Variants in CHD5 observed in about 807,000 individuals in gnomAD.
The protein encoded by CHD5 is ATP-dependent chromatin remodeler CHD5.
CHD5 carries 69 observed loss-of-function variants against 230.3 expected under a neutral mutation model. The ratio of observed to expected loss-of-function variants is 0.30; its 90% CI spans 0.25 to 0.37. CHD5 has a LOEUF of 0.37. Among genes scored for constraint, CHD5 ranks in the 10% least tolerant of loss-of-function variants. The pLI is 1.00. For missense variants in CHD5, 1,827 were observed against 2,622.8 expected (o/e 0.70, Z 6.63); for synonymous variants, 1,064 against 1,065.9 (o/e 1.00, Z 0.03).
At chr1:6,148,759 C>T (rs1390889545) in intron 9 of CHD5, 95 bp downstream of exon 9, 2 of 874,004 alleles carry the variant, frequency 2.3e-6, no homozygotes, top group Non-Finnish European at 1.5e-6. Flanking sequence ...CCGGCAGGGG[C>T]GGGGCCTTTT....
intron 30 of CHD5, 111 bp from the exon 31 acceptor site, chr1:6,124,218 T>C: frequency 9.2e-7 from 1 of 1,090,452 alleles, no homozygotes; most frequent in Non-Finnish European, 1.3e-6. Flanking sequence ...AGGCTTGGGG[T>C]AGCTGCTACC....
chr1:6,141,631 A>AAATG (rs1666829640), intron 15 of CHD5, among the ~76,000 whole-genome samples: 1 of 152,110 alleles, frequency 6.6e-6, no homozygotes. Context: ...ATAAATAAAT[A>AAATG]AAATAAGTAG....
rs1667267463 is a variant in CHD5, at chr1:6,167,062, T to C, written c.207+1088A>G. On this transcript the variant is annotated intron_variant, in intron 2 of 41. Coordinates refer to ENST00000262450, the MANE Select transcript of CHD5 (RefSeq NM_015557.3). This position sits in a 1 kb window ranked among gnomAD's most constrained non-coding sequence, Gnocchi z 4.5. ...CCCAGCGCTGCCAAGGGCACCCCCT[T>C]AGCATTAGCACCTCACCTCACCACC... Among the ~76,000 whole-genome samples the C allele has an allele frequency of 6.6e-6, 1 of 152,088 alleles. No individual in the cohort carries two copies. The highest frequency in any genetic ancestry group is 2.4e-5 in the African/African-American group (1 of 41,400).
intron 41 of CHD5, 139 bp downstream of exon 41, chr1:6,106,095 C>T: frequency 1.3e-6 from 1 of 764,628 alleles, no homozygotes; most frequent in South Asian, 1.8e-5. Context: ...AGGTGGGTGG[C>T]TCTCAAAGCC....
intron 38 of CHD5, among the ~76,000 whole-genome samples, chr1:6,107,770 GGGAT>G (rs1666215745): frequency 7.0e-6 from 1 of 143,610 alleles, no homozygotes. Flanking sequence ...GGATGATGGA[GGGAT>G]GGAGGGATGA....
chr1:6,178,136 G>A (rs1667453297), intron 1 of CHD5, among the ~76,000 whole-genome samples: 2 of 152,188 alleles, frequency 1.3e-5, no homozygotes, highest in Admixed American at 1.3e-4. Flanking sequence ...GCCAGAGCAG[G>A]GCGTCTCTTC....
chr1:6,156,887 A>T (rs544533720), intron 3 of CHD5, among the ~76,000 whole-genome samples: 2 of 152,286 alleles, frequency 1.3e-5, no homozygotes, highest in Admixed American at 6.5e-5. Context: ...TCAGAAAGGG[A>T]GGTGCCGGAT....
At chr1:6,119,864 A>ATT (rs57522479) in intron 33 of CHD5, among the ~76,000 whole-genome samples, 14,911 of 137,050 alleles carry the variant, frequency 0.11, 874 homozygotes, top group South Asian at 0.15. Flanking sequence ...ATATATATAT[A>ATT]TTTTTTTTTT....
intron 38 of CHD5, among the ~76,000 whole-genome samples, chr1:6,107,978 G>T (rs968611090): frequency 7.2e-6 from 1 of 138,914 alleles, no homozygotes; most frequent in Non-Finnish European, 1.6e-5. Flanking sequence ...AGGATGGAGG[G>T]ATGATGGAGA....
chr1:6,152,422 T>C lies in CHD5; in HGVS notation c.860A>G (p.Lys287Arg). 1 of 1,613,840 alleles carries C rather than the reference T, an allele frequency of 6.2e-7. No individual in the cohort carries two copies. The highest frequency in any genetic ancestry group is 8.5e-7 in the Non-Finnish European group (1 of 1,179,858). Residue 287 changes from lysine (K) to arginine (R), a missense_variant, in exon 6 of 42, where the codon AAA becomes AGA. Physicochemically the swap from Lys to Arg is conservative, Grantham distance 26. Transcript: ENST00000262450. Reference protein sequence around the residue: ...RFGGISNKRKKGSSSEEDERE... With the variant: ...RFGGISNKRKRGSSSEEDERE... ...CACGCACACACTCACCGAGGAGCCT[T>C]TCTTCCTCTTGTTGCTGATCCCCCC...
intron 11 of CHD5, among the ~76,000 whole-genome samples, chr1:6,144,882 G>A (rs1261581947): frequency 6.6e-6 from 1 of 152,254 alleles, no homozygotes; most frequent in Non-Finnish European, 1.5e-5. Context: ...CGTTACCACG[G>A]CAACCGATGT....
chr1:6,104,383 C>CG lies in CHD5; in HGVS notation c.*1090dup, dbSNP rs754984150. 6 of 152,366 alleles carry CG rather than the reference C, an allele frequency of 3.9e-5. No homozygotes were observed. Among genetic ancestry groups the CG allele is most frequent in the Non-Finnish European group, 5.9e-5 (4 of 68,202 alleles). 9.4% of individuals were successfully genotyped at this position (152,366 alleles called of 1,614,324 possible). On this transcript the variant is annotated 3_prime_UTR_variant, in exon 42 of 42. Transcript: ENST00000262450. ...AGTGCAGCCTCAGGCAAAAAGCCCC[C>CG]GGGAAGGCCTTTCCAGGGACAGGGG...
intron 33 of CHD5, among the ~76,000 whole-genome samples, chr1:6,114,120 G>C (rs1041370843): frequency 3.3e-5 from 5 of 152,152 alleles, no homozygotes; most frequent in African/African-American, 1.2e-4. Flanking sequence ...AGGTGTGGTG[G>C]CACGTGCCTG....
intron 1 of CHD5, among the ~76,000 whole-genome samples, chr1:6,170,876 G>T (rs1161894272): frequency 6.6e-6 from 1 of 152,196 alleles, no homozygotes; most frequent in Non-Finnish European, 1.5e-5. Flanking sequence ...GTCTGTGGTG[G>T]GGCAGCCGAT....
intron 2 of CHD5, among the ~76,000 whole-genome samples, chr1:6,165,353 C>T (rs1167623527): frequency 6.6e-6 from 1 of 152,144 alleles, no homozygotes; most frequent in Non-Finnish European, 1.5e-5. Context: ...CTCTGCTGCA[C>T]CCCACTGGGT....
intron 38 of CHD5, 63 bp from the exon 39 acceptor site, chr1:6,106,842 G>A (rs1358206128): frequency 4.3e-6 from 6 of 1,383,298 alleles, no homozygotes; most frequent in African/African-American, 1.5e-5. Context: ...ATGGAGGAGT[G>A]GAAGGATGGA....
chr1:6,162,067 T>C (rs563251794), intron 2 of CHD5, among the ~76,000 whole-genome samples: 2 of 152,088 alleles, frequency 1.3e-5, no homozygotes, highest in East Asian at 1.9e-4. Flanking sequence ...CCAGAAAGGA[T>C]AGAACCAGGG....
chr1:6,128,469 G>A lies in CHD5; in HGVS notation c.3730+30C>T. On this transcript the variant is annotated intron_variant, in intron 24 of 41. Coordinates refer to ENST00000262450, the MANE Select transcript of CHD5 (RefSeq NM_015557.3). This position sits in a 1 kb window ranked among gnomAD's most constrained non-coding sequence, Gnocchi z 7.8. ...AGGAGCAGCCACCTGGTCGGAGGAG[G>A]AGCTGAGGCTGGGCTGGGTTGGCCC... 1 of 1,541,168 alleles carries A rather than the reference G, an allele frequency of 6.5e-7. No individual in the cohort carries two copies. The highest frequency in any genetic ancestry group is 1.1e-5 in the South Asian group (1 of 89,116).
chr1:6,149,217 C>A (rs1292861405), intron 8 of CHD5, 29 bp downstream of exon 8: 8 of 1,545,620 alleles, frequency 5.2e-6, no homozygotes, highest in Non-Finnish European at 7.0e-6. Context: ...GTGGCCCCGC[C>A]CCCAGCCCGG....
Sources: gnomAD v4.1 joint callset for allele counts (sites outside exome capture counted in the v4.1 genomes callset) on GRCh38, gnomAD v4.1.1 for gene constraint, Gnocchi (gnomAD v3.1) non-coding constraint, MANE v1.5 for transcripts, NCBI Gene and HGNC (gene_info 2026-07-23, HGNC 2026-07-21) for gene names.